NCAM2: variants seen among roughly 807,000 people sequenced by gnomAD.
The protein encoded by NCAM2 is neural cell adhesion molecule 2.
In NCAM2, 30 loss-of-function variants were observed where a neutral mutation model predicts 98.1. The observed-to-expected ratio is 0.31, with a 90% CI of 0.23 to 0.41. NCAM2 has a LOEUF of 0.41. NCAM2 is among the 10% of genes least tolerant of loss of function. The pLI is 1.00. For synonymous variants in NCAM2, 368 were observed against 342.4 expected (o/e 1.07, Z -0.83); for missense variants, 867 against 1,005.8 (o/e 0.86, Z 1.87).
chr21:21,500,747 A>G (rs1987574966), intron 15 of NCAM2, among the ~76,000 whole-genome samples: 2 of 152,252 alleles, frequency 1.3e-5, no homozygotes, highest in South Asian at 4.1e-4. Flanking sequence ...TAACTCATTT[A>G]AACTATTTGG....
At chr21:21,123,353 C>T (rs575531194) in intron 1 of NCAM2, among the ~76,000 whole-genome samples, 71 of 151,116 alleles carry the variant, frequency 4.7e-4, no homozygotes, top group African/African-American at 1.5e-3. Context: ...GTCAAGATCG[C>T]GCCACTGCAC....
At chr21:21,138,631 C>T (rs1029077933) in intron 1 of NCAM2, among the ~76,000 whole-genome samples, 5 of 151,936 alleles carry the variant, frequency 3.3e-5, no homozygotes, top group Admixed American at 6.6e-5. Flanking sequence ...AAACAGACAG[C>T]GACCCATATA....
chr21:21,147,011 T>C, intron 1 of NCAM2: 2 of 779,354 alleles, frequency 2.6e-6, no homozygotes, highest in Non-Finnish European at 3.0e-6. Flanking sequence ...ACCAGTGGAC[T>C]TCCTGAAATC....
At chr21:21,013,960 T>A (rs2146150104) in intron 1 of NCAM2, among the ~76,000 whole-genome samples, 1 of 152,258 alleles carries the variant, frequency 6.6e-6, no homozygotes, top group South Asian at 2.1e-4. Flanking sequence ...AACAACAGAA[T>A]TTTAATATAG....
At chr21:21,266,363 A>G (rs1320285824) in intron 1 of NCAM2, among the ~76,000 whole-genome samples, 1 of 152,156 alleles carries the variant, frequency 6.6e-6, no homozygotes, top group Non-Finnish European at 1.5e-5. Flanking sequence ...CATAAATTCA[A>G]TAAGACATTC....
chr21:21,077,362 G>C (rs529706766), intron 1 of NCAM2, among the ~76,000 whole-genome samples: 1 of 152,224 alleles, frequency 6.6e-6, no homozygotes, highest in South Asian at 2.1e-4. Context: ...TTATTGGTAG[G>C]ATAGATCCTT....
At chr21:21,225,223 A>G (rs972222352) in intron 1 of NCAM2, among the ~76,000 whole-genome samples, 3 of 152,084 alleles carry the variant, frequency 2.0e-5, no homozygotes, top group Admixed American at 1.3e-4. Flanking sequence ...ACGTTGACAC[A>G]GGGCGGGGAA....
chr21:21,290,316 T>C (rs1157913156), intron 4 of NCAM2, among the ~76,000 whole-genome samples: 1 of 151,804 alleles, frequency 6.6e-6, no homozygotes, highest in Non-Finnish European at 1.5e-5. Context: ...TTAAATTTTA[T>C]TTATTTATAA....
chr21:21,384,613 G>A (rs190113153), intron 9 of NCAM2, among the ~76,000 whole-genome samples: 3 of 151,894 alleles, frequency 2.0e-5, no homozygotes, highest in Admixed American at 2.0e-4. Flanking sequence ...TCATATATTT[G>A]CCTAACCTCT....
chr21:21,000,251 T>C (rs1247657593), intron 1 of NCAM2, among the ~76,000 whole-genome samples: 3 of 152,120 alleles, frequency 2.0e-5, no homozygotes, highest in Non-Finnish European at 2.9e-5. Flanking sequence ...TCCCTGAAAA[T>C]TGCAGTTAAA....
chr21:21,393,259 T>C (rs1243336070), intron 9 of NCAM2, among the ~76,000 whole-genome samples: 1 of 152,208 alleles, frequency 6.6e-6, no homozygotes, highest in Non-Finnish European at 1.5e-5. Flanking sequence ...TAGTTATAGA[T>C]GTGCATTCTT....
chr21:21,480,950 T>C (rs1985823404), intron 15 of NCAM2, among the ~76,000 whole-genome samples: 1 of 152,156 alleles, frequency 6.6e-6, no homozygotes, highest in African/African-American at 2.4e-5. Flanking sequence ...ATCAGATCCA[T>C]TTAGTATTTG....
At chr21:21,031,792 TCTCA>T (rs2064688596) in intron 1 of NCAM2, among the ~76,000 whole-genome samples, 1 of 138,674 alleles carries the variant, frequency 7.2e-6, no homozygotes, top group Admixed American at 8.0e-5. Flanking sequence ...TCTCTCTCAA[TCTCA>T]CTCACACTCT....
chr21:21,475,901 C>CAA (rs151298352), intron 14 of NCAM2, among the ~76,000 whole-genome samples: 1 of 151,408 alleles, frequency 6.6e-6, no homozygotes, highest in African/African-American at 2.4e-5. Context: ...TCTGTGTCAC[C>CAA]AAAAAAAATA....
intron 1 of NCAM2, among the ~76,000 whole-genome samples, chr21:21,067,193 T>G (rs1367017210): frequency 7.1e-6 from 1 of 140,714 alleles, no homozygotes; most frequent in Non-Finnish European, 1.5e-5. Context: ...AAGGCAAAAC[T>G]TAATTGATTG....
At chr21:21,063,779 C>T (rs986505067) in intron 1 of NCAM2, among the ~76,000 whole-genome samples, 1 of 151,984 alleles carries the variant, frequency 6.6e-6, no homozygotes, top group African/African-American at 2.4e-5. Context: ...TTATTTTATA[C>T]TTGATTTTTT....
chr21:21,244,930 A>G (rs551459183), intron 1 of NCAM2, among the ~76,000 whole-genome samples: 4 of 151,992 alleles, frequency 2.6e-5, no homozygotes, highest in Admixed American at 6.6e-5. Context: ...TGTTTTCCCA[A>G]CTGCTTCCTT....
At chr21:21,357,544 G>A (rs1054758681) in intron 8 of NCAM2, among the ~76,000 whole-genome samples, 3 of 151,836 alleles carry the variant, frequency 2.0e-5, no homozygotes, top group African/African-American at 4.8e-5. Context: ...AAAAAGCTCT[G>A]GTGAAATGAA....
chr21:21,059,819 C>G (rs1387353637), intron 1 of NCAM2, among the ~76,000 whole-genome samples: 1 of 152,024 alleles, frequency 6.6e-6, no homozygotes, highest in East Asian at 1.9e-4. Context: ...CAGATAGAGA[C>G]CAAGGAAGCT....
Sources: gnomAD v4.1 joint callset for allele counts (sites outside exome capture counted in the v4.1 genomes callset) on GRCh38, gnomAD v4.1.1 for gene constraint, MANE v1.5 for transcripts, NCBI Gene and HGNC (gene_info 2026-07-23, HGNC 2026-07-21) for gene names.